PRKN: variants seen among roughly 807,000 people sequenced by gnomAD.
The protein encoded by PRKN is parkin RBR E3 ubiquitin protein ligase, also known as E3 ubiquitin-protein ligase parkin.
Under a neutral mutation model 59.5 loss-of-function variants are expected in PRKN, and 56 were observed. The ratio of observed to expected loss-of-function variants is 0.94; its 90% CI spans 0.76 to 1.18. PRKN has a LOEUF of 1.18. Ranked by LOEUF, PRKN falls within the 50% of genes most tolerant of loss-of-function variation. The probability of loss-of-function intolerance (pLI) is 0.00; values close to 1 mark genes in which losing one functional copy is unlikely to be tolerated. For missense variants in PRKN, 657 were observed against 596.4 expected (o/e 1.10, Z -1.06); for synonymous variants, 250 against 222.1 (o/e 1.13, Z -1.12).
chr6:161,865,026 A>C (rs1295972677), intron 6 of PRKN, among the ~76,000 whole-genome samples: 1 of 152,156 alleles, frequency 6.6e-6, no homozygotes, highest in Non-Finnish European at 1.5e-5. Flanking sequence ...TTTAAATTGC[A>C]ATTCTTAGAA....
chr6:161,779,381 CT>C (rs1366611955), intron 7 of PRKN, among the ~76,000 whole-genome samples: 2 of 147,634 alleles, frequency 1.4e-5, no homozygotes, highest in East Asian at 4.0e-4. Flanking sequence ...GTTTGATAAG[CT>C]TTGATCCTAT....
chr6:161,518,540 C>T lies in PRKN; in HGVS notation c.1083+30314G>A, dbSNP rs899777237. Among the ~76,000 whole-genome samples the T allele has an allele frequency of 1.3e-5, 2 of 152,184 alleles. No homozygotes were observed. The highest frequency in any genetic ancestry group is 4.8e-5 in the African/African-American group (2 of 41,446). On this transcript the variant is annotated intron_variant, in intron 9 of 11. Transcript: ENST00000366898. The surrounding 1 kb of genome is among the most constrained non-coding windows in gnomAD (Gnocchi z 5.0). ...GCTCTGGGTGAGAGCTGAACCGAGG[C>T]TCACATCTGCCCTTGCTGGGTTCCA...
chr6:162,404,025 T>C (rs914275384), intron 2 of PRKN, among the ~76,000 whole-genome samples: 2 of 152,132 alleles, frequency 1.3e-5, no homozygotes, highest in African/African-American at 4.8e-5. Context: ...CCTATCCTAA[T>C]ACATAAAATA....
chr6:161,680,754 TA>T (rs1562603761), intron 7 of PRKN, among the ~76,000 whole-genome samples: 506 of 23,306 alleles, frequency 0.022, 38 homozygotes, highest in African/African-American at 0.049. Flanking sequence ...TATATATATA[TA>T]TATATATATA....
intron 2 of PRKN, among the ~76,000 whole-genome samples, chr6:162,356,803 T>G (rs1411600913): frequency 7.7e-6 from 1 of 130,080 alleles, no homozygotes; most frequent in African/African-American, 2.8e-5. Flanking sequence ...TCAATGGAGA[T>G]CCCAGAAATA....
chr6:162,277,027 G>A (rs1203018531), intron 2 of PRKN, among the ~76,000 whole-genome samples: 6 of 152,102 alleles, frequency 3.9e-5, no homozygotes, highest in East Asian at 3.8e-4. Context: ...AAAAGTATAC[G>A]TGTGAGGAGT....
rs200482279 is a variant in PRKN, at chr6:162,508,905, AGTTT to A, written c.8-65436_8-65433del. Among the ~76,000 whole-genome samples, 599 of 152,268 alleles carry A rather than the reference AGTTT, an allele frequency of 3.9e-3. 2 individuals carry two copies. The highest frequency in any genetic ancestry group is 0.014 in the African/African-American group (566 of 41,538). ...AAACAAACAAAATAAAGGAAGATAAAGTTTCTTTACAAAAAGAGGCAGAGAAGAC... is the reference window on the plus strand; with the variant it reads ...AAACAAACAAAATAAAGGAAGATAAACTTTACAAAAAGAGGCAGAGAAGAC... On this transcript the variant is annotated intron_variant, in intron 1 of 11. Coordinates refer to ENST00000366898, the MANE Select transcript of PRKN (RefSeq NM_004562.3).
chr6:161,769,356 A>C (rs1048979031), intron 7 of PRKN, among the ~76,000 whole-genome samples: 10 of 152,124 alleles, frequency 6.6e-5, no homozygotes, highest in African/African-American at 2.4e-4. Context: ...TTCATTTTAA[A>C]ACGAGGAAAT....
chr6:161,757,331 C>T (rs1375893085), intron 7 of PRKN, among the ~76,000 whole-genome samples: 4 of 152,096 alleles, frequency 2.6e-5, no homozygotes, highest in Non-Finnish European at 4.4e-5. Context: ...GCAAATCATA[C>T]ATCTGATAAA....
At position 161,361,252 on chromosome 6, in the gene PRKN, A is replaced by C. The variant is rs1025975877; in HGVS notation, c.1168-1047T>G. Among the ~76,000 whole-genome samples, 2 of 152,248 alleles carry C rather than the reference A, an allele frequency of 1.3e-5. No homozygotes were observed. Among genetic ancestry groups the C allele is most frequent in the Non-Finnish European group, 2.9e-5 (2 of 68,036 alleles). ...AATGTTAAAGTTTTTGAGTCTTTATAGATGAAGTATTATGAGGAAAATAAC... is the reference window on the plus strand; with the variant it reads ...AATGTTAAAGTTTTTGAGTCTTTATCGATGAAGTATTATGAGGAAAATAAC... On this transcript the variant is annotated intron_variant, in intron 10 of 11. Coordinates refer to ENST00000366898, the MANE Select transcript of PRKN (RefSeq NM_004562.3). This position sits in a 1 kb window ranked among gnomAD's most constrained non-coding sequence, Gnocchi z 5.2.
intron 6 of PRKN, among the ~76,000 whole-genome samples, chr6:161,894,930 A>G (rs745977030): frequency 4.6e-5 from 7 of 152,198 alleles, no homozygotes; most frequent in Non-Finnish European, 7.3e-5. Flanking sequence ...AATGCTTAAG[A>G]TGGAAAATTT....
chr6:162,510,375 G>A (rs1017310029), intron 1 of PRKN, among the ~76,000 whole-genome samples: 8 of 149,916 alleles, frequency 5.3e-5, no homozygotes, highest in African/African-American at 2.0e-4. Context: ...TATGATGATG[G>A]CAGGTGCTTT....
At position 161,399,540 on chromosome 6, in the gene PRKN, G is replaced by T. The variant is rs1399119429; in HGVS notation, c.1084-12663C>A. On this transcript the variant is annotated intron_variant, in intron 9 of 11. Coordinates refer to ENST00000366898, the MANE Select transcript of PRKN (RefSeq NM_004562.3). This position sits in a 1 kb window ranked among gnomAD's most constrained non-coding sequence, Gnocchi z 4.4. ...CTGCATGCTCCCCCTCCCATAAGGA[G>T]TTTGAGCAGTGGTGGTGGCTGAACT... 6.6e-6 allele frequency among the ~76,000 whole-genome samples: 1 copy of T among 152,196 alleles called. No individual in the cohort carries two copies. Among genetic ancestry groups the T allele is most frequent in the Non-Finnish European group, 1.5e-5 (1 of 68,042 alleles).
intron 9 of PRKN, among the ~76,000 whole-genome samples, chr6:161,441,646 TAAAAAAAAAA>T (rs549048343): frequency 6.2e-5 from 6 of 97,538 alleles, no homozygotes; most frequent in Non-Finnish European, 1.2e-4. Context: ...CTCTGTCTCT[TAAAAAAAAAA>T]AAAAAAAAAA....
intron 9 of PRKN, among the ~76,000 whole-genome samples, chr6:161,489,708 T>G (rs1349028405): frequency 1.3e-5 from 2 of 152,224 alleles, no homozygotes; most frequent in African/African-American, 4.8e-5. Context: ...AATTCCTAGA[T>G]TGTCATTACT....
At chr6:161,612,397 C>T (rs1301305573) in intron 7 of PRKN, among the ~76,000 whole-genome samples, 1 of 152,152 alleles carries the variant, frequency 6.6e-6, no homozygotes, top group Admixed American at 6.5e-5. Context: ...TGCTCATTTA[C>T]CATTCCAAAA....
At chr6:162,144,100 C>T (rs944215282) in intron 4 of PRKN, among the ~76,000 whole-genome samples, 7 of 152,124 alleles carry the variant, frequency 4.6e-5, no homozygotes, top group Admixed American at 2.0e-4. Flanking sequence ...GCTGGTGATG[C>T]GGCTTGCTAT....
intron 6 of PRKN, among the ~76,000 whole-genome samples, chr6:161,885,370 A>G (rs1795095191): frequency 6.6e-6 from 1 of 152,150 alleles, no homozygotes. Context: ...TCTATTCAAC[A>G]ATAAGAATGT....
At chr6:162,006,613 A>T (rs1398283577) in intron 5 of PRKN, among the ~76,000 whole-genome samples, 8 of 152,168 alleles carry the variant, frequency 5.3e-5, no homozygotes, top group African/African-American at 1.9e-4. Context: ...AGCTCTTCAG[A>T]TAGGCCAAGC....
Sources: gnomAD v4.1 joint callset for allele counts (sites outside exome capture counted in the v4.1 genomes callset) on GRCh38, gnomAD v4.1.1 for gene constraint, Gnocchi (gnomAD v3.1) non-coding constraint, MANE v1.5 for transcripts, NCBI Gene and HGNC (gene_info 2026-07-23, HGNC 2026-07-21) for gene names.